Variants in TSPEAR observed in about 807,000 individuals in gnomAD.
TSPEAR encodes the protein thrombospondin-type laminin G domain and EAR repeat-containing protein.
TSPEAR carries 69 observed loss-of-function variants against 71.6 expected under a neutral mutation model. That is an observed-to-expected ratio of 0.96 (90% CI 0.79 to 1.18). TSPEAR has a LOEUF of 1.18. Among genes scored for constraint, TSPEAR ranks in the 50% most tolerant of loss-of-function variants. The pLI is 0.00. For missense variants in TSPEAR, 971 were observed against 894.9 expected (o/e 1.09, Z -1.09); for synonymous variants, 402 against 387.2 (o/e 1.04, Z -0.45).
chr21:44,559,119 T>C (rs148851135), intron 2 of TSPEAR, among the ~76,000 whole-genome samples: 1 of 152,190 alleles, frequency 6.6e-6, no homozygotes, highest in Non-Finnish European at 1.5e-5. Context: ...GAGTTTGCAC[T>C]TAAAAAAAGA....
chr21:44,645,916 G>A (rs1984306740), intron 1 of TSPEAR, among the ~76,000 whole-genome samples: 1 of 151,268 alleles, frequency 6.6e-6, no homozygotes, highest in Non-Finnish European at 1.5e-5. Context: ...GAGGCGGGTA[G>A]ATCATGAGGT....
intron 2 of TSPEAR, among the ~76,000 whole-genome samples, chr21:44,551,702 C>T (rs587729602): frequency 3.8e-4 from 58 of 152,228 alleles, no homozygotes; most frequent in South Asian, 4.1e-4. Flanking sequence ...TCCTAACACT[C>T]GGCTGGTCCT....
intron 1 of TSPEAR, among the ~76,000 whole-genome samples, chr21:44,626,796 C>G (rs957955021): frequency 6.6e-6 from 1 of 152,108 alleles, no homozygotes; most frequent in African/African-American, 2.4e-5. Context: ...CCCCAGCAAC[C>G]AAAGATGGCC....
In TSPEAR at chr21:44,564,456, C is replaced by A. The variant is rs587742498; in HGVS notation, c.303+3329G>T. On this transcript the variant is annotated intron_variant, in intron 2 of 11. Coordinates refer to ENST00000323084, the MANE Select transcript of TSPEAR (RefSeq NM_144991.3). ...AACAGAAAGAGATAAACTATACAAA[C>A]AACAACCATGAGAAAATTGGAGTAG... Among the ~76,000 whole-genome samples, 3 of 152,158 alleles carry A rather than the reference C, an allele frequency of 2.0e-5. 1 individual carries two copies. The South Asian group carries it at 6.2e-4, about 32-fold the overall frequency.
At chr21:44,611,114 A>C (rs587657458) in intron 1 of TSPEAR, among the ~76,000 whole-genome samples, 10 of 152,190 alleles carry the variant, frequency 6.6e-5, no homozygotes, top group Non-Finnish European at 1.3e-4. Context: ...TTAATGCTGA[A>C]ATGAGTTAAG....
chr21:44,510,466 C>T (rs2052337205), intron 9 of TSPEAR, among the ~76,000 whole-genome samples: 1 of 152,232 alleles, frequency 6.6e-6, no homozygotes, highest in Non-Finnish European at 1.5e-5. Flanking sequence ...CAGCAAGGGC[C>T]CGGCTCAGAC....
At chr21:44,702,120 C>A in intron 1 of TSPEAR, 1 of 1,067,430 alleles carries the variant, frequency 9.4e-7, no homozygotes, top group Non-Finnish European at 1.3e-6. Flanking sequence ...CCAGGAGAGG[C>A]AGCGTCCACA....
chr21:44,550,437 C>G, intron 2 of TSPEAR: 1 of 661,858 alleles, frequency 1.5e-6, no homozygotes, highest in East Asian at 2.8e-5. Flanking sequence ...GAGGGCCCAT[C>G]CCCAACCAGC....
intron 1 of TSPEAR, among the ~76,000 whole-genome samples, chr21:44,597,437 C>CTTTTTTT (rs56129761): frequency 2.0e-4 from 24 of 119,218 alleles, no homozygotes; most frequent in South Asian, 6.2e-4. Context: ...TCTTTCTTTT[C>CTTTTTTT]TTTTTTTTTT....
intron 2 of TSPEAR, among the ~76,000 whole-genome samples, chr21:44,549,737 G>A: frequency 6.6e-6 from 1 of 152,222 alleles, no homozygotes; most frequent in East Asian, 1.9e-4. Flanking sequence ...CTCGCCCTCT[G>A]GTCTGCATGT....
intron 1 of TSPEAR, among the ~76,000 whole-genome samples, chr21:44,613,587 G>T (rs1403931045): frequency 2.6e-5 from 4 of 152,158 alleles, no homozygotes; most frequent in African/African-American, 9.7e-5. Context: ...TGTGCCGCCC[G>T]CCCGAGGGTT....
At chr21:44,600,751 C>A (rs1555928394) in intron 1 of TSPEAR, 16 of 1,609,800 alleles carry the variant, frequency 9.9e-6, no homozygotes, top group South Asian at 5.5e-5. Context: ...CTGCTGCGAG[C>A]CCCCCTGCTG....
At chr21:44,671,078 C>T (rs908507924) in intron 1 of TSPEAR, among the ~76,000 whole-genome samples, 2 of 152,214 alleles carry the variant, frequency 1.3e-5, no homozygotes, top group African/African-American at 4.8e-5. Context: ...TGGTGGTCCC[C>T]CCCAACCCAT....
chr21:44,699,123 G>T (rs569521677), intron 1 of TSPEAR, among the ~76,000 whole-genome samples: 1 of 152,278 alleles, frequency 6.6e-6, no homozygotes, highest in African/African-American at 2.4e-5. Flanking sequence ...ACTCGAGCCG[G>T]GAGGCGGAGG....
rs1986308435 is a variant in TSPEAR, at chr21:44,676,267, AC to A, written c.82+35165del. ...GACTCTAAGGGTCTCTTCACTGTAC[AC>A]CCCATGGGTCAGGGACTCTGGAGGG... On this transcript the variant is annotated intron_variant, in intron 1 of 11. Transcript: ENST00000323084. 5.5e-6 allele frequency: 7 copies of A among 1,264,622 alleles called. No homozygotes were observed. In the South Asian group the frequency reaches 8.3e-5, roughly 15 times the overall value. The allele number at this position is 1,264,622 out of a possible 1,614,324, so 78.3% of individuals were successfully genotyped here.
intron 1 of TSPEAR, among the ~76,000 whole-genome samples, chr21:44,664,364 A>G (rs940376907): frequency 3.3e-5 from 5 of 152,232 alleles, no homozygotes; most frequent in African/African-American, 1.2e-4. Flanking sequence ...ACTTAGGGAT[A>G]AATTCTGGGG....
chr21:44,635,674 T>C (rs587662581), intron 1 of TSPEAR, among the ~76,000 whole-genome samples: 197 of 151,006 alleles, frequency 1.3e-3, no homozygotes, highest in African/African-American at 4.7e-3. Context: ...GGCTGCTTAA[T>C]AGTACCGGGG....
At chr21:44,667,231 AT>A (rs1166902670) in intron 1 of TSPEAR, among the ~76,000 whole-genome samples, 1 of 151,970 alleles carries the variant, frequency 6.6e-6, no homozygotes, top group Non-Finnish European at 1.5e-5. Flanking sequence ...AGATCTCCAG[AT>A]TTTTTTCCTC....
intron 1 of TSPEAR, among the ~76,000 whole-genome samples, chr21:44,679,030 T>G (rs1410466295): frequency 3.3e-5 from 5 of 152,174 alleles, no homozygotes; most frequent in African/African-American, 9.7e-5. Context: ...TTATCCTACT[T>G]CAATTGGTCT....
Sources: gnomAD v4.1 joint callset for allele counts (sites outside exome capture counted in the v4.1 genomes callset) on GRCh38, gnomAD v4.1.1 for gene constraint, MANE v1.5 for transcripts, NCBI Gene and HGNC (gene_info 2026-07-23, HGNC 2026-07-21) for gene names.